The following ATP6V1H variants were observed in gnomAD, a reference collection of about 807,000 sequenced individuals.
ATP6V1H encodes V-type proton ATPase subunit H.
ATP6V1H carries 39 observed loss-of-function variants against 71.7 expected under a neutral mutation model. The observed-to-expected ratio is 0.54, with a 90% CI of 0.42 to 0.71. The LOEUF is 0.71. ATP6V1H is among the 30% of genes least tolerant of loss of function. The probability of loss-of-function intolerance (pLI) is 0.00; values close to 1 mark genes in which losing one functional copy is unlikely to be tolerated. For missense variants in ATP6V1H, 509 were observed against 594.9 expected, an observed-to-expected ratio of 0.86 and a Z score of 1.50; for synonymous variants, 192 against 199.3, an observed-to-expected ratio of 0.96 and a Z score of 0.31.
At chr8:53,728,856 C>A (rs1198825179) in intron 13 of ATP6V1H, among the ~76,000 whole-genome samples, 1 of 152,156 alleles carries the variant, frequency 6.6e-6, no homozygotes, top group Non-Finnish European at 1.5e-5. Flanking sequence ...AGAGCTCGGT[C>A]CTATCTAAGC....
chr8:53,801,993 A>C, intron 7 of ATP6V1H, 97 bp from the exon 8 acceptor site: 1 of 1,064,296 alleles, frequency 9.4e-7, no homozygotes, highest in Non-Finnish European at 1.4e-6. Flanking sequence ...TACCTACTGG[A>C]ATTACCATCT....
Position 53,798,387 on chromosome 8 carries a change from A to G in ATP6V1H, c.678-2548T>C, listed in dbSNP as rs180715923. On this transcript the variant is annotated intron_variant, in intron 8 of 13. Transcript: ENST00000359530. ...AAAAATACAAAAATTAGCTGGGGGT[A>G]GTGACGCACACTTGTAATCCTAGCT... 2.2e-3 allele frequency among the ~76,000 whole-genome samples: 337 copies of G among 152,146 alleles called. 2 individuals are homozygous for G. Among genetic ancestry groups the G allele is most frequent in the African/African-American group, 7.8e-3 (326 of 41,530 alleles).
At chr8:53,838,072 C>T (rs1811218310) in intron 2 of ATP6V1H, among the ~76,000 whole-genome samples, 1 of 152,026 alleles carries the variant, frequency 6.6e-6, no homozygotes, top group Non-Finnish European at 1.5e-5. Flanking sequence ...CTGCCTGGAC[C>T]TCCCTTCCTA....
intron 7 of ATP6V1H, among the ~76,000 whole-genome samples, chr8:53,805,187 A>T (rs1456054324): frequency 6.6e-6 from 1 of 152,354 alleles, no homozygotes; most frequent in East Asian, 1.9e-4. Flanking sequence ...TAAAGACCGT[A>T]TTCATCTACA....
chr8:53,810,814 A>C (rs542010531), intron 7 of ATP6V1H, among the ~76,000 whole-genome samples: 2 of 152,316 alleles, frequency 1.3e-5, no homozygotes, highest in Non-Finnish European at 2.9e-5. Flanking sequence ...TTTTGATTAG[A>C]CAGATATTAG....
Position 53,817,414 on chromosome 8 carries a change from T to G in ATP6V1H, c.420+3A>C. The G allele has an allele frequency of 1.3e-6, 2 of 1,591,788 alleles. No homozygotes were observed. Among genetic ancestry groups the G allele is most frequent in the Non-Finnish European group, 1.7e-6 (2 of 1,163,926 alleles). On this transcript the variant is annotated splice_donor_region_variant and intron_variant, in intron 5 of 13. Transcript: ENST00000359530. The stretch of plus-strand genomic sequence containing the variant: ...AAAAGAATCCAATCAATTCAAAATT[T>G]ACCATATGAACAGTGAAGGGATCCT...
chr8:53,744,309 C>T (rs1807519965), intron 12 of ATP6V1H, among the ~76,000 whole-genome samples: 1 of 152,120 alleles, frequency 6.6e-6, no homozygotes, highest in Admixed American at 6.5e-5. Flanking sequence ...ACAACCGACA[C>T]TGCTTTCTAT....
At position 53,715,920 on chromosome 8, in the gene ATP6V1H, C is replaced by T; in HGVS notation, c.*44G>A. The T allele has an allele frequency of 6.4e-7, 1 of 1,573,874 alleles. No individual in the cohort carries two copies. ...CTTAACTCTAAACACAGTGCTCCCA[C>T]TACTGGTTCTGCATTGAGGCGGAGG... On this transcript the variant is annotated 3_prime_UTR_variant, in exon 14 of 14. Coordinates refer to ENST00000359530, the MANE Select transcript of ATP6V1H (RefSeq NM_015941.4).
intron 6 of ATP6V1H, among the ~76,000 whole-genome samples, chr8:53,812,810 T>A (rs1247069017): frequency 6.6e-6 from 1 of 152,198 alleles, no homozygotes; most frequent in Non-Finnish European, 1.5e-5. Context: ...TCCTTCTGCC[T>A]CAGCCTGCTG....
chr8:53,808,189 G>A (rs969624568), intron 7 of ATP6V1H, among the ~76,000 whole-genome samples: 3 of 152,180 alleles, frequency 2.0e-5, no homozygotes, highest in South Asian at 2.1e-4. Flanking sequence ...AAGCTAGGGA[G>A]GGGAAAAATG....
At chr8:53,804,091 T>C (rs1026562909) in intron 7 of ATP6V1H, among the ~76,000 whole-genome samples, 3 of 152,246 alleles carry the variant, frequency 2.0e-5, no homozygotes, top group African/African-American at 7.2e-5. Flanking sequence ...TAAAAAGTGC[T>C]GGTCCTAAAT....
intron 3 of ATP6V1H, among the ~76,000 whole-genome samples, chr8:53,830,485 C>T (rs747497579): frequency 1.8e-4 from 28 of 151,826 alleles, no homozygotes; most frequent in Non-Finnish European, 1.5e-4. Context: ...AAACAGTTAA[C>T]AGTAACAAAT....
At chr8:53,771,856 G>A in intron 10 of ATP6V1H, 133 bp downstream of exon 10, 2 of 731,332 alleles carry the variant, frequency 2.7e-6, no homozygotes, top group South Asian at 1.8e-5. Context: ...GTCTTCTCAG[G>A]AGACATTAAC....
Position 53,743,646 on chromosome 8 carries a change from A to C in ATP6V1H, c.1322T>G (p.Met441Arg). The C allele has an allele frequency of 6.2e-7, 1 of 1,613,816 alleles. No individual in the cohort carries two copies. Among genetic ancestry groups the C allele is most frequent in the Non-Finnish European group, 8.5e-7 (1 of 1,179,920 alleles). ...GCGGACCTGCTGGTCTTCATGATGC[A>C]TGTGGTTCATGACCAGCTGCTTCCC... ...LGGKQLVMNH[M>R]HHEDQQVRYN... The change falls in exon 13 of 14, where the codon ATG becomes AGG. Residue 441 changes from methionine (M) to arginine (R), a missense_variant. Coordinates refer to ENST00000359530, the MANE Select transcript of ATP6V1H (RefSeq NM_015941.4).
intron 13 of ATP6V1H, among the ~76,000 whole-genome samples, chr8:53,719,328 G>A (rs1274327215): frequency 6.6e-6 from 1 of 151,966 alleles, no homozygotes; most frequent in Non-Finnish European, 1.5e-5. Context: ...GCACCACCAC[G>A]CTCGGCTAAT....
chr8:53,745,503 C>A (rs1272470310), intron 12 of ATP6V1H, among the ~76,000 whole-genome samples: 1 of 152,176 alleles, frequency 6.6e-6, no homozygotes, highest in Non-Finnish European at 1.5e-5. Context: ...TCACAGAGCA[C>A]GGTCACAGGC....
At position 53,839,622 on chromosome 8, in the gene ATP6V1H, C is replaced by G. The variant is rs80103149; in HGVS notation, c.113+1956G>C. 6.4e-5 allele frequency: 63 copies of G among 985,410 alleles called. No homozygotes were observed. In the East Asian group the frequency reaches 6.2e-3, roughly 98 times the overall value. The allele number at this position is 985,410 out of a possible 1,614,324, so 61.0% of individuals were successfully genotyped here. On this transcript the variant is annotated intron_variant, in intron 2 of 13. Transcript: ENST00000359530. Reference sequence around the variant, plus strand: ...CCTCTAGACTTATCACCTACAAACTCACCCTTCATGCTGCTAGTAGAACAA... The same window carrying G: ...CCTCTAGACTTATCACCTACAAACTGACCCTTCATGCTGCTAGTAGAACAA...
At chr8:53,723,012 T>C (rs764015707) in intron 13 of ATP6V1H, among the ~76,000 whole-genome samples, 46 of 152,204 alleles carry the variant, frequency 3.0e-4, no homozygotes, top group Non-Finnish European at 5.4e-4. Flanking sequence ...AATTATTCTT[T>C]AGAGAATCCA....
intron 12 of ATP6V1H, among the ~76,000 whole-genome samples, chr8:53,751,704 G>T (rs933587786): frequency 1.3e-5 from 2 of 149,588 alleles, no homozygotes; most frequent in Non-Finnish European, 2.9e-5. Flanking sequence ...GAGTCTCGCT[G>T]TGTCACCCAG....
Sources: gnomAD v4.1 joint callset for allele counts (sites outside exome capture counted in the v4.1 genomes callset) on GRCh38, gnomAD v4.1.1 for gene constraint, MANE v1.5 for transcripts, NCBI Gene and HGNC (gene_info 2026-07-23, HGNC 2026-07-21) for gene names.